SMAD1: variants seen among roughly 807,000 people sequenced by gnomAD.
SMAD1 encodes the protein SMAD family member 1, also known as MAD, mothers against decapentaplegic homolog 1.
Under a neutral mutation model 41.6 loss-of-function variants are expected in SMAD1, and 6 were observed. That is an observed-to-expected ratio of 0.14 (90% CI 0.08 to 0.28). The LOEUF (loss-of-function observed/expected upper bound fraction) is 0.28, where lower values mean the gene tolerates loss of function less well. Among genes scored for constraint, SMAD1 ranks in the 10% least tolerant of loss-of-function variants. The probability of loss-of-function intolerance (pLI) is 1.00; values close to 1 mark genes in which losing one functional copy is unlikely to be tolerated. For missense variants in SMAD1, 379 were observed against 582.6 expected (o/e 0.65, Z 3.60); for synonymous variants, 206 against 203.2 (o/e 1.01, Z -0.12).
intron 1 of SMAD1, among the ~76,000 whole-genome samples, chr4:145,504,237 C>T (rs189343627): frequency 9.2e-5 from 14 of 152,326 alleles, no homozygotes; most frequent in Admixed American, 2.6e-4. Flanking sequence ...ACCTGGTTAG[C>T]TCCTAACTGG....
chr4:145,518,513 A>G (rs2126431391), intron 2 of SMAD1, among the ~76,000 whole-genome samples: 1 of 124,162 alleles, frequency 8.1e-6, no homozygotes, highest in African/African-American at 2.6e-5. Context: ...AAAAATGTGC[A>G]AGGTGACTTA....
At chr4:145,481,387 G>T (rs1053224986), upstream of SMAD1, 1 of 152,180 alleles carries the variant, frequency 6.6e-6, no homozygotes, top group Non-Finnish European at 1.5e-5. Flanking sequence ...ACATAAAAGG[G>T]CGCGTCTCGA....
rs1428267342 is a variant in SMAD1 at position 145,514,530 on chromosome 4, TAAAC to T, written c.-80_-77del. 7 of 1,297,346 alleles carry T rather than the reference TAAAC, an allele frequency of 5.4e-6. No individual in the cohort carries two copies. Among genetic ancestry groups the T allele is most frequent in the Admixed American group, 4.7e-5 (2 of 42,602 alleles). 80.4% of individuals were successfully genotyped at this position (1,297,346 alleles called of 1,614,324 possible). On this transcript the variant is annotated 5_prime_UTR_variant, in exon 2 of 7. Coordinates refer to ENST00000302085, the MANE Select transcript of SMAD1 (RefSeq NM_005900.3). The surrounding 1 kb of genome is among the most constrained non-coding windows in gnomAD (Gnocchi z 4.7). Reference sequence around the variant, plus strand: ...GAAGTTAAAGAGACTTCTCTGTAAATAAACAAATCTCTTCTGCTGTCCTTTTGCA... The same window carrying T: ...GAAGTTAAAGAGACTTCTCTGTAAATAAATCTCTTCTGCTGTCCTTTTGCA...
intron 6 of SMAD1, among the ~76,000 whole-genome samples, chr4:145,557,111 A>G (rs1291073562): frequency 5.3e-5 from 8 of 152,172 alleles, no homozygotes; most frequent in Non-Finnish European, 2.9e-5. Context: ...CACCCTCACC[A>G]ATGAGTTTTT....
chr4:145,489,098 T>C (rs1728641196), intron 1 of SMAD1, among the ~76,000 whole-genome samples: 1 of 152,256 alleles, frequency 6.6e-6, no homozygotes, highest in Non-Finnish European at 1.5e-5. Context: ...ATACAGTAGC[T>C]GTAGCCACAC....
rs1275009094 is a variant in SMAD1 at position 145,482,255 on chromosome 4, G to T, written c.-177+217G>T. ...CCCCCCATGATGGCGCCTCCCGTCT[G>T]CTCGGAGGAGCGAACCTGCTACCAC... On this transcript the variant is annotated intron_variant, in intron 1 of 6. Coordinates refer to ENST00000302085, the MANE Select transcript of SMAD1 (RefSeq NM_005900.3). This position sits in a 1 kb window ranked among gnomAD's most constrained non-coding sequence, Gnocchi z 4.2. Among the ~76,000 whole-genome samples the T allele has an allele frequency of 6.8e-6, 1 of 147,874 alleles. No individual in the cohort carries two copies.
At chr4:145,485,139 G>T (rs1029496665) in intron 1 of SMAD1, among the ~76,000 whole-genome samples, 2 of 152,122 alleles carry the variant, frequency 1.3e-5, no homozygotes, top group African/African-American at 4.8e-5. Context: ...CACGATCATG[G>T]CTCACTGCAG....
chr4:145,545,288 A>G (rs1337030412), intron 4 of SMAD1: 2 of 152,240 alleles, frequency 1.3e-5, no homozygotes, highest in Non-Finnish European at 2.9e-5. Context: ...CCTTTCACAG[A>G]AAAAATTCAT....
chr4:145,537,705 T>C (rs939168876), intron 2 of SMAD1, among the ~76,000 whole-genome samples: 6 of 152,170 alleles, frequency 3.9e-5, no homozygotes, highest in Non-Finnish European at 8.8e-5. Context: ...GGAATACATA[T>C]GCAGATTTTC....
At chr4:145,541,076 A>G (rs1731905329) in intron 3 of SMAD1, among the ~76,000 whole-genome samples, 1 of 152,132 alleles carries the variant, frequency 6.6e-6, no homozygotes, top group Non-Finnish European at 1.5e-5. Context: ...TTTAAAAATC[A>G]AAGTAACTGG....
intron 1 of SMAD1, among the ~76,000 whole-genome samples, chr4:145,511,304 C>T (rs1296157863): frequency 6.6e-6 from 1 of 151,424 alleles, no homozygotes; most frequent in Admixed American, 6.6e-5. Flanking sequence ...TTTAGAGACG[C>T]TCTCACTCTG....
At chr4:145,507,015 C>A (rs979974595) in intron 1 of SMAD1, among the ~76,000 whole-genome samples, 1 of 152,136 alleles carries the variant, frequency 6.6e-6, no homozygotes, top group East Asian at 1.9e-4. Flanking sequence ...AGAAATCCTT[C>A]CCATGGGTGA....
intron 2 of SMAD1, among the ~76,000 whole-genome samples, chr4:145,530,107 A>G (rs1444874055): frequency 2.0e-5 from 3 of 152,216 alleles, no homozygotes; most frequent in Non-Finnish European, 4.4e-5. Context: ...CTTTCAAAAG[A>G]AAGAAAATCA....
At chr4:145,532,544 G>C (rs1004760392) in intron 2 of SMAD1, among the ~76,000 whole-genome samples, 7 of 152,198 alleles carry the variant, frequency 4.6e-5, no homozygotes, top group African/African-American at 1.7e-4. Context: ...AAATAACTCG[G>C]AAGAAATTCA....
intron 2 of SMAD1, among the ~76,000 whole-genome samples, chr4:145,533,763 C>A (rs542842595): frequency 7.2e-5 from 11 of 152,162 alleles, no homozygotes; most frequent in African/African-American, 2.6e-4. Flanking sequence ...TGCTGTGGAC[C>A]ATGTGGTAGT....
At chr4:145,522,467 G>A (rs995346602) in intron 2 of SMAD1, among the ~76,000 whole-genome samples, 1 of 151,868 alleles carries the variant, frequency 6.6e-6, no homozygotes, top group Non-Finnish European at 1.5e-5. Context: ...CCACGTGGTG[G>A]TGCACGGCCT....
intron 1 of SMAD1, among the ~76,000 whole-genome samples, chr4:145,501,015 A>G (rs1320466022): frequency 6.6e-6 from 1 of 152,248 alleles, no homozygotes; most frequent in Non-Finnish European, 1.5e-5. Flanking sequence ...GTTCAAACCT[A>G]TTCAAGTTAA....
intron 2 of SMAD1, among the ~76,000 whole-genome samples, chr4:145,521,962 T>A (rs568395089): frequency 1.3e-5 from 2 of 151,318 alleles, no homozygotes; most frequent in South Asian, 4.2e-4. Flanking sequence ...GCACTTTTCA[T>A]TTTGTCACAC....
At chr4:145,534,008 TG>T (rs1731470454) in intron 2 of SMAD1, among the ~76,000 whole-genome samples, 1 of 152,212 alleles carries the variant, frequency 6.6e-6, no homozygotes, top group South Asian at 2.1e-4. Context: ...ACCATGAGCA[TG>T]GGCCCTAATG....
Sources: gnomAD v4.1 joint callset for allele counts (sites outside exome capture counted in the v4.1 genomes callset) on GRCh38, gnomAD v4.1.1 for gene constraint, Gnocchi (gnomAD v3.1) non-coding constraint, MANE v1.5 for transcripts, NCBI Gene and HGNC (gene_info 2026-07-23, HGNC 2026-07-21) for gene names.